The following CRTAP variants were observed in gnomAD, a reference collection of about 807,000 sequenced individuals.
CRTAP encodes the protein cartilage-associated protein.
CRTAP carries 33 observed loss-of-function variants against 42.7 expected under a neutral mutation model. The ratio of observed to expected loss-of-function variants is 0.77; its 90% CI spans 0.59 to 1.03. The LOEUF is 1.03. Ranked by LOEUF, CRTAP falls within the 50% of genes least tolerant of loss-of-function variation. The pLI, the probability that CRTAP is intolerant of heterozygous loss-of-function variation, is 0.00. For synonymous variants in CRTAP, 243 were observed against 217.7 expected (o/e 1.12, Z -1.02); for missense variants, 613 against 533.9 (o/e 1.15, Z -1.46).
intron 1 of CRTAP, among the ~76,000 whole-genome samples, chr3:33,117,220 GTAGA>G (rs1256427547): frequency 6.6e-6 from 1 of 152,224 alleles, no homozygotes; most frequent in East Asian, 1.9e-4. Context: ...CGATATGAAG[GTAGA>G]TAGTGCGCTG....
rs181428804 is a variant in CRTAP, at chr3:33,122,639, G to T, written c.622-1769G>T. ...CAGAGAGAATTGCCTGAACCCAGGA[G>T]TTGGAGGTTGCAGTGAGCTGAGATT... On this transcript the variant is annotated intron_variant, in intron 2 of 6. Transcript: ENST00000320954. 3.4e-5 allele frequency among the ~76,000 whole-genome samples: 5 copies of T among 148,626 alleles called. No homozygotes were observed. The Admixed American group carries it at 3.4e-4, about 10-fold the overall frequency.
intron 2 of CRTAP, among the ~76,000 whole-genome samples, chr3:33,123,921 A>C (rs1248569893): frequency 6.6e-6 from 1 of 152,160 alleles, no homozygotes; most frequent in East Asian, 1.9e-4. Flanking sequence ...GTTCCATTTT[A>C]AAAACCAGTT....
intron 6 of CRTAP, among the ~76,000 whole-genome samples, chr3:33,137,318 G>C (rs923842345): frequency 6.6e-6 from 1 of 151,872 alleles, no homozygotes. Flanking sequence ...TTTTTGTATT[G>C]TTAGTTGAGA....
intron 4 of CRTAP, 26 bp from the exon 5 acceptor site, chr3:33,132,529 C>G (rs2030295860): frequency 6.2e-7 from 1 of 1,613,494 alleles, no homozygotes; most frequent in East Asian, 2.2e-5. Flanking sequence ...CTGATTTCTT[C>G]ATTTGTCTTT....
intron 1 of CRTAP, among the ~76,000 whole-genome samples, chr3:33,116,073 T>C (rs1381230893): frequency 6.6e-6 from 1 of 152,230 alleles, no homozygotes; most frequent in Non-Finnish European, 1.5e-5. Flanking sequence ...GGCAAATATG[T>C]TCTGAACCAA....
Position 33,120,483 on chromosome 3 carries a change from A to C in CRTAP, c.611A>C (p.Lys204Thr), listed in dbSNP as rs145623565. Residue 204 changes from lysine (K) to threonine (T), a missense_variant, in exon 2 of 7, where the codon AAG becomes ACG. Coordinates refer to ENST00000320954, the MANE Select transcript of CRTAP (RefSeq NM_006371.5). ...GACTACATTAAAGACCTGGAAACCA[A>C]GTCATATGAAGTATGTTTGGATTTT... ...AEDYIKDLET[K>T]SYESLFIRAV... 72 of 1,609,506 alleles carry C rather than the reference A, an allele frequency of 4.5e-5. No homozygotes were observed. In the African/African-American group the frequency reaches 8.7e-4, roughly 19 times the overall value.
At position 33,122,490 on chromosome 3, in the gene CRTAP, C is replaced by T. The variant is rs190699574; in HGVS notation, c.622-1918C>T. Among the ~76,000 whole-genome samples the T allele has an allele frequency of 1.7e-3, 257 of 151,954 alleles. 1 individual carries two copies. Among genetic ancestry groups the T allele is most frequent in the African/African-American group, 5.8e-3 (240 of 41,454 alleles). On this transcript the variant is annotated intron_variant, in intron 2 of 6. Transcript: ENST00000320954. ...TTGGGAGGCCAAGGTGGGTGGATCA[C>T]GAGGTCAGGAGTTCAAGACCAGCTG...
chr3:33,142,521 A>G lies in CRTAP; in HGVS notation c.*73A>G. Reference sequence around the variant, plus strand: ...TTCTTTGTCCTTTTCCCAACAGCCCAGGCTGTTGATACCTCAGAGCCTTCT... The same window carrying G: ...TTCTTTGTCCTTTTCCCAACAGCCCGGGCTGTTGATACCTCAGAGCCTTCT... On this transcript the variant is annotated 3_prime_UTR_variant, in exon 7 of 7. Transcript: ENST00000320954. 2.1e-6 allele frequency: 3 copies of G among 1,437,500 alleles called. No individual in the cohort carries two copies. The highest frequency in any genetic ancestry group is 1.1e-5 in the South Asian group (1 of 87,508). The allele number at this position is 1,437,500 out of a possible 1,614,324, so 89.0% of individuals were successfully genotyped here.
intron 1 of CRTAP, 95 bp downstream of exon 1, chr3:33,114,643 C>A: frequency 8.1e-7 from 1 of 1,232,192 alleles, no homozygotes; most frequent in Admixed American, 2.0e-5. Context: ...CGCGTTGCCC[C>A]TCCAGTTCTA....
At position 33,125,657 on chromosome 3, in the gene CRTAP, AC is replaced by A. The variant is rs145058154; in HGVS notation, c.793+1079del. 1.7e-3 allele frequency among the ~76,000 whole-genome samples: 263 copies of A among 151,594 alleles called. 3 individuals are homozygous for A. Among genetic ancestry groups the A allele is most frequent in the African/African-American group, 6.1e-3 (250 of 41,298 alleles). ...CTTGAGCTTCCTCTAATTCCCACCT[AC>A]TTTTCCTCTCATGTTATTTTGAAGC... is the stretch of plus-strand genomic sequence containing the variant. On this transcript the variant is annotated intron_variant, in intron 3 of 6. Transcript: ENST00000320954.
At chr3:33,124,262 A>G (rs1265542861) in intron 2 of CRTAP, 146 bp from the exon 3 acceptor site, 2 of 806,774 alleles carry the variant, frequency 2.5e-6, no homozygotes, top group East Asian at 5.2e-5. Context: ...AAAGTAACTC[A>G]CTGATTGACT....
chr3:33,126,630 CAA>C (rs1286785838), intron 3 of CRTAP, among the ~76,000 whole-genome samples: 2 of 152,166 alleles, frequency 1.3e-5, no homozygotes, highest in East Asian at 3.8e-4. Flanking sequence ...TATTGTAAAT[CAA>C]AGAGTATCTG....
rs75444404 is a variant in CRTAP at position 33,131,117 on chromosome 3, C to T, written c.922+1050C>T. Among the ~76,000 whole-genome samples, 1,029 of 152,232 alleles carry T rather than the reference C, an allele frequency of 6.8e-3. 5 individuals carry two copies. Among genetic ancestry groups the T allele is most frequent in the Non-Finnish European group, 0.012 (813 of 68,016 alleles). On this transcript the variant is annotated intron_variant, in intron 4 of 6. Coordinates refer to ENST00000320954, the MANE Select transcript of CRTAP (RefSeq NM_006371.5). ...GCCCTAATGAAATGCCAGGGTCTAG[C>T]GGTGGCAGGTTTCTGGCTAGAATAG... is the stretch of plus-strand genomic sequence containing the variant.
At chr3:33,136,271 G>A (rs1029477955) in intron 6 of CRTAP, among the ~76,000 whole-genome samples, 3 of 152,218 alleles carry the variant, frequency 2.0e-5, no homozygotes, top group African/African-American at 7.2e-5. Context: ...TCTTTTGGAT[G>A]TACCGCATTC....
chr3:33,139,418 G>T (rs2030511539), intron 6 of CRTAP, among the ~76,000 whole-genome samples: 2 of 152,146 alleles, frequency 1.3e-5, no homozygotes, highest in Non-Finnish European at 2.9e-5. Context: ...TATTAGCTGG[G>T]GGTTTTTTGT....
chr3:33,139,379 G>A (rs182027355), intron 6 of CRTAP, among the ~76,000 whole-genome samples: 14 of 152,134 alleles, frequency 9.2e-5, no homozygotes, highest in Middle Eastern at 3.4e-3. Context: ...GCATACAGTC[G>A]TCTTTCAGCA....
At chr3:33,114,723 T>G (rs2125596309) in intron 1 of CRTAP, among the ~76,000 whole-genome samples, 175 bp downstream of exon 1, 1 of 152,288 alleles carries the variant, frequency 6.6e-6, no homozygotes, top group Admixed American at 6.5e-5. Flanking sequence ...TCATCTCAAC[T>G]AGAGATGAAA....
At chr3:33,119,492 G>A (rs1037235013) in intron 1 of CRTAP, among the ~76,000 whole-genome samples, 1 of 150,572 alleles carries the variant, frequency 6.6e-6, no homozygotes, top group Non-Finnish European at 1.5e-5. Context: ...GTCCATGCAG[G>A]TGGGGATTTT....
chr3:33,125,664 C>T (rs1264515967), intron 3 of CRTAP, among the ~76,000 whole-genome samples: 1 of 151,958 alleles, frequency 6.6e-6, no homozygotes, highest in African/African-American at 2.4e-5. Flanking sequence ...CCTACTTTTC[C>T]TCTCATGTTA....
Sources: allele counts gnomAD v4.1 joint callset (sites outside exome capture counted in the v4.1 genomes callset), GRCh38; gene constraint gnomAD v4.1.1; transcripts MANE v1.5; gene names NCBI Gene and HGNC (gene_info 2026-07-23, HGNC 2026-07-21).